Variants in ELL2 observed in about 807,000 individuals in gnomAD.
ELL2 encodes elongation factor for RNA polymerase II 2.
A neutral mutation model predicts 72.8 loss-of-function variants in ELL2; 21 were observed. The observed-to-expected ratio is 0.29, with a 90% CI of 0.20 to 0.42. The LOEUF is 0.42. Among genes scored for constraint, ELL2 ranks in the 10% least tolerant of loss-of-function variants. The pLI is 1.00. For synonymous variants in ELL2, 266 were observed against 283.2 expected (o/e 0.94, Z 0.61); for missense variants, 568 against 772.8 (o/e 0.73, Z 3.14).
rs144958958 is a variant in ELL2 at position 95,911,581 on chromosome 5, C to T, written c.481+2190G>A. ...CAGGATGGTCTCGATCTCTTGACCT[C>T]GTGATCTGCCCGCCTCGGCCTCCCA... On this transcript the variant is annotated intron_variant, in intron 4 of 11. Coordinates refer to ENST00000237853, the MANE Select transcript of ELL2 (RefSeq NM_012081.6). 2.2e-3 allele frequency among the ~76,000 whole-genome samples: 331 copies of T among 152,060 alleles called. 3 individuals carry two copies. The highest frequency in any genetic ancestry group is 6.8e-3 in the African/African-American group (282 of 41,476).
At position 95,901,062 on chromosome 5, in the gene ELL2, TAG is replaced by T. The variant is rs1308807427; in HGVS notation, c.758_759del (p.Ser253Ter). 2.5e-6 allele frequency: 4 copies of T among 1,607,482 alleles called. No individual in the cohort carries two copies. The highest frequency in any genetic ancestry group is 3.4e-6 in the Non-Finnish European group (4 of 1,178,358). On this transcript the variant is annotated frameshift_variant, in exon 6 of 12. Coordinates refer to ENST00000237853, the MANE Select transcript of ELL2 (RefSeq NM_012081.6). LOFTEE classifies it high-confidence loss of function. ...AILQQVANLN[S>X]KDLSYTLKDY... is the part of the protein sequence containing the mutation. ...TCCTTTAAGGTATATGAGAGGTCCT[TAG>T]AATTCAGATTGGCTACCTAGTATGA... is the stretch of plus-strand genomic sequence containing the variant.
At chr5:95,921,134 A>G (rs1028049155) in intron 2 of ELL2, among the ~76,000 whole-genome samples, 1 of 152,252 alleles carries the variant, frequency 6.6e-6, no homozygotes, top group Non-Finnish European at 1.5e-5. Context: ...GGAAAAAGGT[A>G]AAAAGAAAAA....
At chr5:95,957,100 T>G (rs1034521817) in intron 1 of ELL2, among the ~76,000 whole-genome samples, 3 of 152,214 alleles carry the variant, frequency 2.0e-5, no homozygotes, top group African/African-American at 7.2e-5. Context: ...TAGTATTATT[T>G]GAGCCACCAC....
chr5:95,938,690 C>T (rs1319838092), intron 2 of ELL2, among the ~76,000 whole-genome samples: 1 of 152,082 alleles, frequency 6.6e-6, no homozygotes, highest in Non-Finnish European at 1.5e-5. Flanking sequence ...CCACTTCACT[C>T]CAGCCTGGAG....
chr5:95,898,233 A>G lies in ELL2; in HGVS notation c.1525+7T>C. The stretch of plus-strand genomic sequence containing the variant: ...ATGCACTTCTGGTTCATCTAAAGGT[A>G]AAATACCTCCACTGGAATTTGGACT... On this transcript the variant is annotated splice_region_variant and intron_variant, in intron 8 of 11. Coordinates refer to ENST00000237853, the MANE Select transcript of ELL2 (RefSeq NM_012081.6). 2 of 1,589,836 alleles carry G rather than the reference A, an allele frequency of 1.3e-6. No individual in the cohort carries two copies. The highest frequency in any genetic ancestry group is 1.7e-6 in the Non-Finnish European group (2 of 1,170,976).
At chr5:95,928,729 C>T (rs572838132) in intron 2 of ELL2, among the ~76,000 whole-genome samples, 236 of 152,282 alleles carry the variant, frequency 1.5e-3, no homozygotes, top group African/African-American at 4.9e-3. Flanking sequence ...ATTCTCAATC[C>T]CATCATCTAA....
At chr5:95,902,666 T>C (rs941180210) in intron 5 of ELL2, among the ~76,000 whole-genome samples, 4 of 152,274 alleles carry the variant, frequency 2.6e-5, no homozygotes, top group Admixed American at 6.5e-5. Context: ...AAAATAGGTT[T>C]ATCTTAAAAT....
At position 95,886,946 on chromosome 5, in the gene ELL2, A is replaced by ATGAG. The variant is rs944626779; in HGVS notation, c.*1921_*1924dup. The ATGAG allele has an allele frequency of 1.3e-5, 2 of 152,200 alleles. No homozygotes were observed. Among genetic ancestry groups the ATGAG allele is most frequent in the African/African-American group, 4.8e-5 (2 of 41,450 alleles). 9.4% of individuals were successfully genotyped at this position (152,200 alleles called of 1,614,324 possible). The stretch of plus-strand genomic sequence containing the variant: ...CCAAGATGTCCAAGAAATAACACCA[A>ATGAG]TGAGTTCATTACCTATAGACGAACC... On this transcript the variant is annotated 3_prime_UTR_variant, in exon 12 of 12. Coordinates refer to ENST00000237853, the MANE Select transcript of ELL2 (RefSeq NM_012081.6).
chr5:95,957,590 G>A (rs1751667679), intron 1 of ELL2, among the ~76,000 whole-genome samples: 1 of 152,148 alleles, frequency 6.6e-6, no homozygotes, highest in Non-Finnish European at 1.5e-5. Context: ...TGTATTCAAA[G>A]TGAGTAGCAA....
At chr5:95,944,662 G>C (rs1751088983) in intron 1 of ELL2, among the ~76,000 whole-genome samples, 1 of 152,234 alleles carries the variant, frequency 6.6e-6, no homozygotes, top group African/African-American at 2.4e-5. Context: ...TCTTCATGTG[G>C]AAGAGTAAGG....
intron 1 of ELL2, among the ~76,000 whole-genome samples, chr5:95,945,819 T>C (rs1263673793): frequency 6.6e-6 from 1 of 152,174 alleles, no homozygotes; most frequent in Non-Finnish European, 1.5e-5. Context: ...CCACTTGAAA[T>C]ACAACAGCAA....
intron 1 of ELL2, among the ~76,000 whole-genome samples, chr5:95,946,050 A>G (rs1055217505): frequency 3.9e-5 from 6 of 152,124 alleles, no homozygotes; most frequent in African/African-American, 2.4e-5. Flanking sequence ...TTGATAAACT[A>G]TTGGAGGCTC....
chr5:95,920,624 C>G (rs1361889768), intron 2 of ELL2, among the ~76,000 whole-genome samples: 1 of 151,942 alleles, frequency 6.6e-6, no homozygotes, highest in Non-Finnish European at 1.5e-5. Flanking sequence ...CCTGCATTGG[C>G]CACATTGCCT....
intron 9 of ELL2, among the ~76,000 whole-genome samples, chr5:95,892,596 A>T (rs987630427): frequency 6.6e-6 from 1 of 152,198 alleles, no homozygotes; most frequent in Non-Finnish European, 1.5e-5. Context: ...AAGCAATTTC[A>T]GGCAGGTGGC....
At chr5:95,920,728 CTTGG>C (rs1750033821) in intron 2 of ELL2, among the ~76,000 whole-genome samples, 1 of 152,062 alleles carries the variant, frequency 6.6e-6, no homozygotes, top group African/African-American at 2.4e-5. Flanking sequence ...CCTTTCCTCC[CTTGG>C]GTCTGCATGG....
Position 95,926,203 on chromosome 5 carries a change from C to T in ELL2, c.196-6658G>A, listed in dbSNP as rs141633507. On this transcript the variant is annotated intron_variant, in intron 2 of 11. Transcript: ENST00000237853. ...AAAAAAAAAAAGCCTCTCACATCAG[C>T]CCAGATGTGCAAACCAATGCTGAAG... Among the ~76,000 whole-genome samples, 1,499 of 150,224 alleles carry T rather than the reference C, an allele frequency of 1.0e-2. 24 individuals carry two copies. Among genetic ancestry groups the T allele is most frequent in the African/African-American group, 0.035 (1,425 of 41,122 alleles).
intron 1 of ELL2, among the ~76,000 whole-genome samples, chr5:95,945,078 T>C (rs1033376823): frequency 1.3e-5 from 2 of 152,150 alleles, no homozygotes; most frequent in Non-Finnish European, 2.9e-5. Context: ...CTGAATCTCT[T>C]CTCCATTCCT....
At chr5:95,938,246 A>G (rs570672248) in intron 2 of ELL2, among the ~76,000 whole-genome samples, 7 of 152,286 alleles carry the variant, frequency 4.6e-5, no homozygotes, top group Admixed American at 2.0e-4. Context: ...TTAAATGCCA[A>G]TTTCATCTTC....
At chr5:95,903,215 T>TC (rs1407763998) in intron 5 of ELL2, among the ~76,000 whole-genome samples, 12 of 131,658 alleles carry the variant, frequency 9.1e-5, no homozygotes, top group Admixed American at 4.4e-4. Flanking sequence ...GACCTTTTTT[T>TC]TTTTTTTTTT....
Sources: allele counts gnomAD v4.1 joint callset (sites outside exome capture counted in the v4.1 genomes callset), GRCh38; gene constraint gnomAD v4.1.1; transcripts MANE v1.5; gene names NCBI Gene and HGNC (gene_info 2026-07-23, HGNC 2026-07-21).